TLR3: variants seen among roughly 807,000 people sequenced by gnomAD.
TLR3 encodes toll like receptor 3.
A neutral mutation model predicts 66.4 loss-of-function variants in TLR3; 43 were observed. The ratio of observed to expected loss-of-function variants is 0.65; its 90% CI spans 0.51 to 0.83. TLR3 has a LOEUF of 0.83. TLR3 is among the 40% of genes least tolerant of loss of function. The probability of loss-of-function intolerance (pLI) is 0.00; values close to 1 mark genes in which losing one functional copy is unlikely to be tolerated. For missense variants in TLR3, 982 were observed against 1,044.6 expected (o/e 0.94, Z 0.83); for synonymous variants, 397 against 397.2 (o/e 1.00, Z 0.01).
chr4:186,069,281 G>A (rs373809349), intron 1 of TLR3, 33 bp downstream of exon 1: 3 of 152,192 alleles, frequency 2.0e-5, no homozygotes, highest in East Asian at 3.8e-4. Flanking sequence ...CGTTCTTACT[G>A]GGCAGGGTCT....
intron 3 of TLR3, among the ~76,000 whole-genome samples, chr4:186,079,455 A>C (rs74330982): frequency 0.032 from 4,804 of 152,240 alleles, 148 homozygotes; most frequent in Middle Eastern, 0.12. Flanking sequence ...TTATCAGGCA[A>C]GTTATTCAAG....
rs36215783 is a variant in TLR3 at position 186,080,574 on chromosome 4, ATATTTTATTT to A, written c.633+1565_633+1574del. 2.9e-3 allele frequency among the ~76,000 whole-genome samples: 431 copies of A among 150,074 alleles called. 8 individuals are homozygous for A. In the East Asian group the frequency reaches 0.043, roughly 15 times the overall value. ...TTTATGTATATAGTATTTTTAATCA[ATATTTTATTT>A]TATTTTATTTTATTTTATTTTTTGA... On this transcript the variant is annotated intron_variant, in intron 3 of 4. Coordinates refer to ENST00000296795, the MANE Select transcript of TLR3 (RefSeq NM_003265.3).
chr4:186,082,536 A>C lies in TLR3; in HGVS notation c.850A>C (p.Asn284His). 1 of 1,614,214 alleles carries C rather than the reference A, an allele frequency of 6.2e-7. No homozygotes were observed. The highest frequency in any genetic ancestry group is 8.5e-7 in the Non-Finnish European group (1 of 1,180,020). ...TNLTMLDLSY[N>H]NLNVVGNDSF... ...TCTCACTATGCTCGATCTTTCCTAC[A>C]ACAACTTAAATGTGGTTGGTAACGA... The change falls in exon 4 of 5, where the codon AAC becomes CAC. Residue 284 changes from asparagine (N) to histidine (H), a missense_variant. Around this residue, in one of 3 missense-constraint regions of TLR3, gnomAD observed 313 missense variants for 319.0 expected, o/e 0.98. Coordinates refer to ENST00000296795, the MANE Select transcript of TLR3 (RefSeq NM_003265.3).
At chr4:186,078,724 G>A (rs2099302888) in intron 2 of TLR3, 116 bp from the exon 3 acceptor site, 1 of 802,116 alleles carries the variant, frequency 1.2e-6, no homozygotes, top group South Asian at 1.6e-5. Context: ...GTATTCTACA[G>A]AATAATAGAG....
rs2099301317 is a variant in TLR3 at position 186,070,786 on chromosome 4, C to T, written c.-8+1538C>T. Among the ~76,000 whole-genome samples the T allele has an allele frequency of 2.0e-5, 3 of 152,068 alleles. No individual in the cohort carries two copies. In the South Asian group the frequency reaches 6.2e-4, roughly 32 times the overall value. ...TGGTGTGATCATGATTCATTGCAGC[C>T]TTAACCTCCTGGGCTCAAGCGATCC... On this transcript the variant is annotated intron_variant, in intron 1 of 4. Coordinates refer to ENST00000296795, the MANE Select transcript of TLR3 (RefSeq NM_003265.3).
In TLR3 at chr4:186,078,821, T is replaced by C; in HGVS notation, c.442-19T>C. On this transcript the variant is annotated intron_variant, in intron 2 of 4. Transcript: ENST00000296795. Reference sequence around the variant, plus strand: ...TGACAGCAAGACTCTAACATATGCATATTATTTTTTCCCTTCAGAATTTAA... The same window carrying C: ...TGACAGCAAGACTCTAACATATGCACATTATTTTTTCCCTTCAGAATTTAA... 1.9e-6 allele frequency: 3 copies of C among 1,606,150 alleles called. No homozygotes were observed. The highest frequency in any genetic ancestry group is 2.6e-6 in the Non-Finnish European group (3 of 1,173,214).
rs2150068731 is a variant in TLR3, at chr4:186,086,556, C to G, written c.*1683C>G. The G allele has an allele frequency of 6.6e-6, 1 of 152,298 alleles. No individual in the cohort carries two copies. The highest frequency in any genetic ancestry group is 1.9e-4 in the East Asian group (1 of 5,184). 9.4% of individuals were successfully genotyped at this position (152,298 alleles called of 1,614,324 possible). A position where few individuals can be genotyped will look rare whatever the true frequency, so the allele number is the denominator to read the frequency against. On this transcript the variant is annotated 3_prime_UTR_variant, in exon 5 of 5. Transcript: ENST00000296795. ...TGACAGCTGAGACACTGCTTTTCAG[C>G]ATTTTAGTTAAGATTTGCTTTTTAA...
Position 186,083,910 on chromosome 4 carries a change from C to T in TLR3, c.2224C>T (p.Leu742Phe), listed in dbSNP as rs147431766. Reference protein sequence around the residue: ...FYWNVSVHRVLGFKEIDRQTE... With the variant: ...FYWNVSVHRVFGFKEIDRQTE... ...TTGGAATGTTTCAGTACATCGAGTT[C>T]TTGGTTTCAAAGAAATAGACAGACA... is the stretch of plus-strand genomic sequence containing the variant. The change falls in exon 4 of 5, where the codon CTT becomes TTT. Residue 742 changes from leucine (L) to phenylalanine (F), a missense_variant. Physicochemically the swap from Leu to Phe is conservative, Grantham distance 22. Coordinates refer to ENST00000296795, the MANE Select transcript of TLR3 (RefSeq NM_003265.3). This position sits in a 1 kb window ranked among gnomAD's most constrained non-coding sequence, Gnocchi z 4.0. 7.6e-4 allele frequency: 1,228 copies of T among 1,614,100 alleles called. 9 individuals carry two copies. Among genetic ancestry groups the T allele is most frequent in the Non-Finnish European group, 2.0e-4 (237 of 1,180,018 alleles).
Position 186,084,727 on chromosome 4 carries a change from G to T in TLR3, c.2569G>T (p.Asp857Tyr). 6.2e-7 allele frequency: 1 copy of T among 1,614,026 alleles called. No homozygotes were observed. Among genetic ancestry groups the T allele is most frequent in the African/African-American group, 1.3e-5 (1 of 75,022 alleles). Residue 857 changes from aspartate to tyrosine, a missense_variant, in exon 5 of 5, where the codon GAT (aspartate) becomes TAT (tyrosine). Asp to Tyr is a radical substitution (Grantham distance 160). Transcript: ENST00000296795. Reference sequence around the variant, plus strand: ...ATTGGTTTTCCTTGAGGAGATTCCAGATTATAAACTGAACCATGCACTCTG... The same window carrying T: ...ATTGGTTTTCCTTGAGGAGATTCCATATTATAAACTGAACCATGCACTCTG... ...IILVFLEEIP[D>Y]YKLNHALCLR... is the part of the protein sequence containing the mutation.
At position 186,083,768 on chromosome 4, in the gene TLR3, A is replaced by G. The variant is rs2150068123; in HGVS notation, c.2082A>G (p.Ser694=). 6 of 1,613,962 alleles carry G rather than the reference A, an allele frequency of 3.7e-6. No individual in the cohort carries two copies. Among genetic ancestry groups the G allele is most frequent in the Non-Finnish European group, 5.1e-6 (6 of 1,179,978 alleles). ...HGFPVRLFDT[S]SCKDSAPFEL... ...TCCCAGTGAGACTTTTTGATACATC[A>G]TCTTGCAAAGACAGTGCCCCCTTTG... Residue 694 remains serine (S), a synonymous_variant, in exon 4 of 5, where the codon TCA becomes TCG. Coordinates refer to ENST00000296795, the MANE Select transcript of TLR3 (RefSeq NM_003265.3). The surrounding 1 kb of genome is among the most constrained non-coding windows in gnomAD (Gnocchi z 4.0).
rs35140061 is a variant in TLR3 at position 186,078,952 on chromosome 4, C to A, written c.554C>A (p.Ala185Glu). 6.2e-7 allele frequency: 1 copy of A among 1,613,448 alleles called. No individual in the cohort carries two copies. Among genetic ancestry groups the A allele is most frequent in the South Asian group, 1.1e-5 (1 of 90,898 alleles). ...ELLLSNNKIQ[A>E]LKSEELDIFA... is the part of the protein sequence containing the mutation. Reference sequence around the variant, plus strand: ...CTATTATCAAACAATAAAATTCAAGCGCTAAAAAGTGAAGAACTGGATATC... The same window carrying A: ...CTATTATCAAACAATAAAATTCAAGAGCTAAAAAGTGAAGAACTGGATATC... The change falls in exon 3 of 5, where the codon GCG becomes GAG. Residue 185 changes from alanine to glutamate, a missense_variant. Physicochemically the swap from Ala to Glu is moderately radical, Grantham distance 107. Coordinates refer to ENST00000296795, the MANE Select transcript of TLR3 (RefSeq NM_003265.3).
Position 186,082,714 on chromosome 4 carries a change from T to C in TLR3, c.1028T>C (p.Leu343Pro), listed in dbSNP as rs2099303744. Residue 343 changes from leucine (L) to proline (P), a missense_variant, in exon 4 of 5, where the codon CTC becomes CCC. Transcript: ENST00000296795. ...FTKQSISLASLPKIDDFSFQW... is the reference protein window; with the variant it reads ...FTKQSISLASPPKIDDFSFQW... The stretch of plus-strand genomic sequence containing the variant: ...AAACAAAGTATTTCCCTTGCCTCAC[T>C]CCCCAAGATTGATGATTTTTCTTTT... 1 of 1,614,058 alleles carries C rather than the reference T, an allele frequency of 6.2e-7. No individual in the cohort carries two copies. The highest frequency in any genetic ancestry group is 8.5e-7 in the Non-Finnish European group (1 of 1,179,944).
intron 3 of TLR3, chr4:186,081,683 T>C (rs1031938407): frequency 1.3e-5 from 2 of 152,474 alleles, no homozygotes; most frequent in East Asian, 3.9e-4. Context: ...ATTGTTCTCA[T>C]GGTGATAAAG....
At position 186,069,675 on chromosome 4, in the gene TLR3, C is replaced by T. The variant is rs564814276; in HGVS notation, c.-8+427C>T. 7.9e-5 allele frequency among the ~76,000 whole-genome samples: 12 copies of T among 152,198 alleles called. No homozygotes were observed. The East Asian group carries it at 2.3e-3, about 29-fold the overall frequency. ...TTAGTTTTATTGGCTGGAGGGGAGACAGGAGCTGGCATTGTATGACAATGT... is the reference window on the plus strand; with the variant it reads ...TTAGTTTTATTGGCTGGAGGGGAGATAGGAGCTGGCATTGTATGACAATGT... On this transcript the variant is annotated intron_variant, in intron 1 of 4. Transcript: ENST00000296795.
intron 1 of TLR3, among the ~76,000 whole-genome samples, chr4:186,075,581 G>C (rs2099302314): frequency 6.6e-6 from 1 of 152,140 alleles, no homozygotes; most frequent in South Asian, 2.1e-4. Flanking sequence ...AGTGAGCCAT[G>C]ATAGTACCAC....
At position 186,076,745 on chromosome 4, in the gene TLR3, G is replaced by C. The variant is rs764017833; in HGVS notation, c.126G>C (p.Leu42Phe). The change falls in exon 2 of 5, where the codon TTG becomes TTC. Residue 42 changes from leucine (L) to phenylalanine (F), a missense_variant. Coordinates refer to ENST00000296795, the MANE Select transcript of TLR3 (RefSeq NM_003265.3). ...HEVADCSHLKLTQVPDDLPTN... is the reference protein window; with the variant it reads ...HEVADCSHLKFTQVPDDLPTN... ...TTGCTGACTGCAGCCACCTGAAGTT[G>C]ACTCAGGTACCCGATGATCTACCCA... 1.9e-6 allele frequency: 3 copies of C among 1,614,024 alleles called. No homozygotes were observed. The South Asian group carries it at 3.3e-5, about 18-fold the overall frequency.
Position 186,082,344 on chromosome 4 carries a change from A to G in TLR3, c.658A>G (p.Ile220Val). 1 of 1,610,940 alleles carries G rather than the reference A, an allele frequency of 6.2e-7. No individual in the cohort carries two copies. Among genetic ancestry groups the G allele is most frequent in the Admixed American group, 1.7e-5 (1 of 59,738 alleles). Residue 220 changes from isoleucine (I) to valine (V), a missense_variant, in exon 4 of 5, where the codon ATT becomes GTT. Around this residue, in one of 3 missense-constraint regions of TLR3, gnomAD observed 313 missense variants for 319.0 expected, o/e 0.98. Transcript: ENST00000296795. The stretch of plus-strand genomic sequence containing the variant: ...GTTTTCTCCAGGGTGTTTTCACGCA[A>G]TTGGAAGATTATTTGGCCTCTTTCT... ...KEFSPGCFHAIGRLFGLFLNN... is the reference protein window; with the variant it reads ...KEFSPGCFHAVGRLFGLFLNN...
Position 186,083,303 on chromosome 4 carries a change from T to C in TLR3, c.1617T>C (p.His539=), listed in dbSNP as rs1472699238. 6.2e-7 allele frequency: 1 copy of C among 1,614,182 alleles called. No individual in the cohort carries two copies. The change falls in exon 4 of 5, where the codon CAT becomes CAC. Residue 539 remains histidine (H), a synonymous_variant. Transcript: ENST00000296795. The surrounding 1 kb of genome is among the most constrained non-coding windows in gnomAD (Gnocchi z 4.0). ...AACTAGAAATTCTCGATTTGCAGCA[T>C]AACAACTTAGCACGGCTCTGGAAAC... The part of the protein sequence containing the change: ...LEKLEILDLQ[H]NNLARLWKHA...
At chr4:186,084,221 A>ACT in intron 4 of TLR3, 49 bp downstream of exon 4, 6 of 1,481,320 alleles carry the variant, frequency 4.1e-6, no homozygotes, top group South Asian at 2.4e-5. Context: ...TTTCAATTAA[A>ACT]TTTCTTTTTT....
Sources: allele counts gnomAD v4.1 joint callset (sites outside exome capture counted in the v4.1 genomes callset), GRCh38; gene constraint gnomAD v4.1.1; regional missense constraint gnomAD v4.1.1; non-coding constraint Gnocchi (gnomAD v3.1); transcripts MANE v1.5; gene names NCBI Gene and HGNC (gene_info 2026-07-23, HGNC 2026-07-21).